Variants in ARPP21 observed in about 807,000 individuals in gnomAD.
ARPP21 encodes cAMP regulated phosphoprotein 21, also known as cAMP-regulated phosphoprotein 21.
In ARPP21, 69 loss-of-function variants were observed where a neutral mutation model predicts 113.2. The ratio of observed to expected loss-of-function variants is 0.61; its 90% CI spans 0.50 to 0.74. The LOEUF (loss-of-function observed/expected upper bound fraction) is 0.74. ARPP21 is among the 30% of genes least tolerant of loss of function. The pLI is 0.00. For synonymous variants in ARPP21, 368 were observed against 375.5 expected (o/e 0.98, Z 0.23); for missense variants, 1,070 against 1,037.4 (o/e 1.03, Z -0.43).
intron 9 of ARPP21, 105 bp downstream of exon 9, chr3:35,691,110 G>T: frequency 8.2e-7 from 1 of 1,220,224 alleles, no homozygotes. Context: ...AAAATGTGCA[G>T]TGTTATTTAT....
rs2096798995 is a variant in ARPP21 at position 35,794,386 on chromosome 3, A to C, written c.*428A>C. The C allele has an allele frequency of 5.5e-6, 1 of 181,896 alleles. No homozygotes were observed. The highest frequency in any genetic ancestry group is 1.2e-5 in the Non-Finnish European group (1 of 84,872). The allele number at this position is 181,896 out of a possible 1,614,324, so 11.3% of individuals were successfully genotyped here. A position where few individuals can be genotyped will look rare whatever the true frequency, so the allele number is the denominator to read the frequency against. ...TGAATTGAAGGAATAATTTATATAC[A>C]TTATAGAGTTTTCTTTTTTAATGGA... is the stretch of plus-strand genomic sequence containing the variant. On this transcript the variant is annotated 3_prime_UTR_variant, in exon 21 of 21. Coordinates refer to ENST00000684406, the MANE Select transcript of ARPP21 (RefSeq NM_001385562.1).
At chr3:35,661,085 T>C (rs1449016002) in intron 1 of ARPP21, among the ~76,000 whole-genome samples, 1 of 152,110 alleles carries the variant, frequency 6.6e-6, no homozygotes, top group African/African-American at 2.4e-5. Flanking sequence ...AATAATAGTT[T>C]ATCAACTTCA....
intron 8 of ARPP21, among the ~76,000 whole-genome samples, chr3:35,690,636 G>A (rs552032668): frequency 6.6e-6 from 1 of 151,568 alleles, no homozygotes; most frequent in Non-Finnish European, 1.5e-5. Flanking sequence ...ATTCTCTTTG[G>A]CAAGAGAAAT....
chr3:35,734,636 T>C (rs1422391806), intron 15 of ARPP21, among the ~76,000 whole-genome samples: 1 of 152,160 alleles, frequency 6.6e-6, no homozygotes, highest in Non-Finnish European at 1.5e-5. Context: ...ACAAATATAT[T>C]TGCACTCAAA....
intron 19 of ARPP21, among the ~76,000 whole-genome samples, chr3:35,755,270 A>G (rs2095532616): frequency 6.6e-6 from 1 of 151,918 alleles, no homozygotes; most frequent in South Asian, 2.1e-4. Flanking sequence ...CTTCTGAAGC[A>G]CATTTAAAAC....
At chr3:35,792,151 A>G (rs1424561647) in intron 19 of ARPP21, 2 of 490,750 alleles carry the variant, frequency 4.1e-6, no homozygotes, top group African/African-American at 1.9e-5. Flanking sequence ...TCAATAGACC[A>G]TTCTGCATAA....
intron 19 of ARPP21, among the ~76,000 whole-genome samples, chr3:35,785,494 A>G (rs1007220205): frequency 1.3e-5 from 2 of 148,618 alleles, no homozygotes; most frequent in African/African-American, 5.1e-5. Context: ...AATGTGTCTC[A>G]TGTTTGCCCT....
At chr3:35,773,014 G>T (rs376102916) in intron 19 of ARPP21, among the ~76,000 whole-genome samples, 145 of 152,198 alleles carry the variant, frequency 9.5e-4, no homozygotes, top group South Asian at 2.1e-3. Flanking sequence ...TGCTTGAAAA[G>T]CTGCTGTTTT....
chr3:35,667,946 GA>G (rs59907935), intron 1 of ARPP21, among the ~76,000 whole-genome samples: 1 of 115,090 alleles, frequency 8.7e-6, no homozygotes, highest in Non-Finnish European at 1.8e-5. Flanking sequence ...AGGAGAAGAA[GA>G]AAAGAAGAAG....
At chr3:35,733,512 A>G (rs2094139719) in intron 15 of ARPP21, among the ~76,000 whole-genome samples, 1 of 152,136 alleles carries the variant, frequency 6.6e-6, no homozygotes, top group South Asian at 2.1e-4. Flanking sequence ...AACCTCCTCT[A>G]GGCTAACTAG....
chr3:35,766,908 T>C (rs943465216), intron 19 of ARPP21, among the ~76,000 whole-genome samples: 2 of 152,126 alleles, frequency 1.3e-5, no homozygotes, highest in Middle Eastern at 3.2e-3. Flanking sequence ...GGCAATGGTG[T>C]GAGCTTACCA....
intron 19 of ARPP21, among the ~76,000 whole-genome samples, chr3:35,787,929 A>C (rs2096665518): frequency 6.6e-6 from 1 of 152,208 alleles, no homozygotes; most frequent in Non-Finnish European, 1.5e-5. Flanking sequence ...TTGACAAGTT[A>C]CTATATCCTC....
Position 35,743,974 on chromosome 3 carries a change from A to C in ARPP21, c.2137+9A>C, listed in dbSNP as rs763172490. On this transcript the variant is annotated intron_variant, in intron 19 of 20. Coordinates refer to ENST00000684406, the MANE Select transcript of ARPP21 (RefSeq NM_001385562.1). Reference sequence around the variant, plus strand: ...GGCAGCACAGCAAGCAGGTACTTGGAATCTGTTTCCCATTTGCTTCTCAAC... The same window carrying C: ...GGCAGCACAGCAAGCAGGTACTTGGCATCTGTTTCCCATTTGCTTCTCAAC... The C allele has an allele frequency of 1.2e-6, 2 of 1,613,874 alleles. No homozygotes were observed. Among genetic ancestry groups the C allele is most frequent in the Non-Finnish European group, 1.7e-6 (2 of 1,179,934 alleles).
In ARPP21 at chr3:35,639,871, CAGACTGGCAGCCTGCG is replaced by C. The variant is rs1697528155; in HGVS notation, c.-736_-721del. 1 of 152,408 alleles carries C rather than the reference CAGACTGGCAGCCTGCG, an allele frequency of 6.6e-6. No individual in the cohort carries two copies. The highest frequency in any genetic ancestry group is 2.4e-5 in the African/African-American group (1 of 41,450). The allele number at this position is 152,408 out of a possible 1,614,324, so 9.4% of individuals were successfully genotyped here. On this transcript the variant is annotated 5_prime_UTR_variant, in exon 1 of 21. Transcript: ENST00000684406. The surrounding 1 kb of genome is among the most constrained non-coding windows in gnomAD (Gnocchi z 5.0). ...TCGGACGGACGGACAGACCAGCGCA[CAGACTGGCAGCCTGCG>C]AGAGTGGCAGCTTTGAGAGCAGAGC...
At chr3:35,689,465 A>G (rs1175754275) in intron 7 of ARPP21, 80 bp downstream of exon 7, 5 of 765,844 alleles carry the variant, frequency 6.5e-6, no homozygotes, top group Non-Finnish European at 1.1e-5. Context: ...CAACACTTCT[A>G]AGAAAGCCAT....
intron 9 of ARPP21, among the ~76,000 whole-genome samples, chr3:35,706,065 C>T (rs2088874119): frequency 6.6e-6 from 1 of 152,132 alleles, no homozygotes; most frequent in African/African-American, 2.4e-5. Context: ...GCTGTAGGGA[C>T]AGAAAACCTT....
In ARPP21 at chr3:35,683,716, C is replaced by G. The variant is rs766082096; in HGVS notation, c.172-10C>G. The G allele has an allele frequency of 1.0e-6, 1 of 1,004,866 alleles. No individual in the cohort carries two copies. The highest frequency in any genetic ancestry group is 1.3e-5 in the South Asian group (1 of 76,724). 62.2% of individuals were successfully genotyped at this position (1,004,866 alleles called of 1,614,324 possible). A position where few individuals can be genotyped will look rare whatever the true frequency, so the allele number is the denominator to read the frequency against. On this transcript the variant is annotated splice_polypyrimidine_tract_variant and intron_variant, in intron 4 of 20. Coordinates refer to ENST00000684406, the MANE Select transcript of ARPP21 (RefSeq NM_001385562.1). ...TTTCCTTTCCTTCCCTTTTCTTTCC[C>G]CCCTCCTAGTCAGGAGCAGGAAAAG...
chr3:35,698,243 A>G (rs578219667), intron 9 of ARPP21, among the ~76,000 whole-genome samples: 80 of 151,794 alleles, frequency 5.3e-4, no homozygotes, highest in African/African-American at 1.8e-3. Context: ...CCATATTATT[A>G]TTCTCAAATA....
chr3:35,730,429 G>C (rs59430341), intron 15 of ARPP21, among the ~76,000 whole-genome samples: 1 of 152,168 alleles, frequency 6.6e-6, no homozygotes, highest in Non-Finnish European at 1.5e-5. Context: ...AGTAGGTAGA[G>C]TACAGAAATG....
Sources: allele counts gnomAD v4.1 joint callset (sites outside exome capture counted in the v4.1 genomes callset), GRCh38; gene constraint gnomAD v4.1.1; non-coding constraint Gnocchi (gnomAD v3.1); transcripts MANE v1.5; gene names NCBI Gene and HGNC (gene_info 2026-07-23, HGNC 2026-07-21).